The following ATPAF1 variants were observed in gnomAD, a reference collection of about 807,000 sequenced individuals.
ATPAF1 encodes the protein ATP synthase mitochondrial F1 complex assembly factor 1.
In ATPAF1, 26 loss-of-function variants were observed where a neutral mutation model predicts 43.9. The ratio of observed to expected loss-of-function variants is 0.59; its 90% CI spans 0.43 to 0.82. The LOEUF is 0.82. Ranked by LOEUF, ATPAF1 falls within the 40% of genes least tolerant of loss-of-function variation. The pLI, the probability that ATPAF1 is intolerant of heterozygous loss-of-function variation, is 0.00. For synonymous variants in ATPAF1, 157 were observed against 168.0 expected, an observed-to-expected ratio of 0.93 and a Z score of 0.50; for missense variants, 366 against 435.0, an observed-to-expected ratio of 0.84 and a Z score of 1.41.
intron 2 of ATPAF1, among the ~76,000 whole-genome samples, chr1:46,662,955 C>T (rs965846421): frequency 6.6e-6 from 1 of 152,040 alleles, no homozygotes; most frequent in Admixed American, 6.5e-5. Context: ...ACAACAGGCC[C>T]CAGTGTGTGA....
At chr1:46,655,826 T>C (rs1441663334) in intron 4 of ATPAF1, among the ~76,000 whole-genome samples, 9 of 152,210 alleles carry the variant, frequency 5.9e-5, no homozygotes, top group Admixed American at 5.9e-4. Context: ...AGTTTTCCTA[T>C]GAGCTGCTTT....
intron 4 of ATPAF1, among the ~76,000 whole-genome samples, chr1:46,656,846 C>T (rs1274617353): frequency 1.3e-5 from 2 of 152,160 alleles, no homozygotes; most frequent in African/African-American, 4.8e-5. Context: ...TAGAAAGAAC[C>T]CTGTGCTGAT....
intron 4 of ATPAF1, among the ~76,000 whole-genome samples, chr1:46,654,854 T>C (rs1676239493): frequency 6.6e-6 from 1 of 152,150 alleles, no homozygotes; most frequent in African/African-American, 2.4e-5. Context: ...TCCATGTCCC[T>C]GCAAAGGACA....
intron 6 of ATPAF1, among the ~76,000 whole-genome samples, chr1:46,651,355 T>C (rs577845071): frequency 6.6e-6 from 1 of 152,014 alleles, no homozygotes; most frequent in East Asian, 1.9e-4. Context: ...CTGCATAGTA[T>C]TCCATGGTGT....
At chr1:46,665,189 A>AAGGGTGAGGGTAAGG in intron 2 of ATPAF1, 67 bp downstream of exon 2, 1 of 1,498,544 alleles carries the variant, frequency 6.7e-7, no homozygotes, top group Non-Finnish European at 9.3e-7. Context: ...CTTTAAGGAT[A>AAGGGTGAGGGTAAGG]AGGGTGAGGG....
At chr1:46,656,886 T>C (rs1390373287) in intron 4 of ATPAF1, among the ~76,000 whole-genome samples, 1 of 152,248 alleles carries the variant, frequency 6.6e-6, no homozygotes, top group Non-Finnish European at 1.5e-5. Context: ...CTAAAACTCC[T>C]TGGGGATGAG....
chr1:46,664,478 T>C (rs1676453616), intron 2 of ATPAF1: 2 of 152,656 alleles, frequency 1.3e-5, no homozygotes, highest in Non-Finnish European at 2.9e-5. Flanking sequence ...TTATCCTGCC[T>C]GTACTCCTTA....
intron 4 of ATPAF1, among the ~76,000 whole-genome samples, chr1:46,655,580 T>C (rs1357680144): frequency 6.6e-6 from 1 of 152,254 alleles, no homozygotes; most frequent in Non-Finnish European, 1.5e-5. Flanking sequence ...TATACATAGA[T>C]GTAGCATATA....
rs1362150394 is a variant in ATPAF1, at chr1:46,668,354, G to A, written c.-32C>T. The A allele has an allele frequency of 1.5e-6, 2 of 1,321,300 alleles. No individual in the cohort carries two copies. Among genetic ancestry groups the A allele is most frequent in the Non-Finnish European group, 1.9e-6 (2 of 1,032,190 alleles). 81.8% of individuals were successfully genotyped at this position (1,321,300 alleles called of 1,614,324 possible). On this transcript the variant is annotated 5_prime_UTR_variant, in exon 1 of 9. Coordinates refer to ENST00000574428, the Ensembl canonical transcript of ATPAF1. This position sits in a 1 kb window ranked among gnomAD's most constrained non-coding sequence, Gnocchi z 4.4. ...CCCCGCCTCCTCCTCCTCCTCAGGC[G>A]CGTCGGCCTCGGCCCGCGGCCCGCG...
At chr1:46,645,194 A>C (rs1676018724) in exon 7 of ATPAF1, 1 of 1,614,050 alleles carries the variant, frequency 6.2e-7, no homozygotes, top group Non-Finnish European at 8.5e-7. Flanking sequence ...AGTGGAGTTC[A>C]GTACCTGTCC....
intron 8 of ATPAF1, among the ~76,000 whole-genome samples, chr1:46,636,386 C>T (rs942080): frequency 1 from 152,337 of 152,338 alleles, 76,168 homozygotes; most frequent in Non-Finnish European, 1. Flanking sequence ...AAGACAGCAA[C>T]AGTTACCCAG....
At chr1:46,658,005 C>T in intron 4 of ATPAF1, 122 bp downstream of exon 4, 3 of 936,026 alleles carry the variant, frequency 3.2e-6, no homozygotes, top group Non-Finnish European at 5.0e-6. Flanking sequence ...TAATTCATCA[C>T]TTTTGCCTTT....
chr1:46,654,875 C>A (rs1347620844), intron 4 of ATPAF1, among the ~76,000 whole-genome samples: 2 of 152,032 alleles, frequency 1.3e-5, no homozygotes, highest in African/African-American at 4.8e-5. Context: ...TGAACTCATG[C>A]TTTTTTATGG....
rs930842599 is a variant in ATPAF1 at position 46,665,652 on chromosome 1, G to A, written c.267-288C>T. 6 of 1,534,424 alleles carry A rather than the reference G, an allele frequency of 3.9e-6. No individual in the cohort carries two copies. In the African/African-American group the frequency reaches 8.2e-5, roughly 21 times the overall value. On this transcript the variant is annotated intron_variant, in intron 1 of 8. Coordinates refer to ENST00000574428, the Ensembl canonical transcript of ATPAF1. Reference sequence around the variant, plus strand: ...TTAGTCTCTCAGGTACTTACATTCAGGGTACTTAGAATTTTGAGGTCATCT... The same window carrying A: ...TTAGTCTCTCAGGTACTTACATTCAAGGTACTTAGAATTTTGAGGTCATCT...
At chr1:46,633,570 T>C, downstream of ATPAF1, 6 of 394,968 alleles carry the variant, frequency 1.5e-5, no homozygotes, top group South Asian at 1.1e-4. Flanking sequence ...ACAAATTTAC[T>C]GATTAAATGG....
At chr1:46,641,467 A>C (rs1331889972) in intron 8 of ATPAF1, among the ~76,000 whole-genome samples, 1 of 152,178 alleles carries the variant, frequency 6.6e-6, no homozygotes, top group African/African-American at 2.4e-5. Context: ...CTCCACCTCC[A>C]GCTAATACCC....
At chr1:46,642,063 C>G (rs912149005) in intron 8 of ATPAF1, among the ~76,000 whole-genome samples, 3 of 152,164 alleles carry the variant, frequency 2.0e-5, no homozygotes, top group African/African-American at 7.2e-5. Context: ...CCTGTTAGGC[C>G]TATTCCTCCT....
chr1:46,656,829 C>G (rs192861974), intron 4 of ATPAF1, among the ~76,000 whole-genome samples: 2 of 152,306 alleles, frequency 1.3e-5, no homozygotes, highest in Admixed American at 6.5e-5. Flanking sequence ...GCATATGCCT[C>G]TATTAATAGA....
intron 7 of ATPAF1, among the ~76,000 whole-genome samples, chr1:46,643,587 A>C (rs1368445100): frequency 6.6e-6 from 1 of 152,258 alleles, no homozygotes; most frequent in South Asian, 2.1e-4. Flanking sequence ...ACATTTAAAA[A>C]CAAAATGGCA....
Sources: gnomAD v4.1 joint callset for allele counts (sites outside exome capture counted in the v4.1 genomes callset) on GRCh38, gnomAD v4.1.1 for gene constraint, Gnocchi (gnomAD v3.1) non-coding constraint, MANE v1.5 for transcripts, NCBI Gene and HGNC (gene_info 2026-07-23, HGNC 2026-07-21) for gene names.